Variants in DTX4 observed in about 807,000 individuals in gnomAD.
DTX4 encodes the protein deltex E3 ubiquitin ligase 4, also known as E3 ubiquitin-protein ligase DTX4.
DTX4 carries 28 observed loss-of-function variants against 57.6 expected under a neutral mutation model. That is an observed-to-expected ratio of 0.49 (90% CI 0.36 to 0.67). DTX4 has a LOEUF of 0.67. Among genes scored for constraint, DTX4 ranks in the 30% least tolerant of loss-of-function variants. The probability of loss-of-function intolerance (pLI) is 0.00; values close to 1 mark genes in which losing one functional copy is unlikely to be tolerated. For synonymous variants in DTX4, 316 were observed against 331.0 expected (o/e 0.95, Z 0.49); for missense variants, 715 against 836.8 (o/e 0.85, Z 1.80).
intron 7 of DTX4, among the ~76,000 whole-genome samples, chr11:59,196,190 A>C (rs1197375452): frequency 6.6e-6 from 1 of 152,190 alleles, no homozygotes; most frequent in Non-Finnish European, 1.5e-5. Flanking sequence ...TGGAGTGTGG[A>C]TTATGGTCCA....
chr11:59,191,297 C>A, intron 5 of DTX4, 122 bp downstream of exon 5: 1 of 945,580 alleles, frequency 1.1e-6, no homozygotes, highest in South Asian at 1.7e-5. Context: ...GGATACAGAA[C>A]TGGTCAGAAC....
At chr11:59,182,889 G>T (rs1292463407) in intron 2 of DTX4, among the ~76,000 whole-genome samples, 1 of 151,964 alleles carries the variant, frequency 6.6e-6, no homozygotes. Flanking sequence ...CAAGGCTGCA[G>T]TGAGCTATTA....
At chr11:59,179,085 G>A (rs1389096905) in intron 1 of DTX4, among the ~76,000 whole-genome samples, 1 of 152,054 alleles carries the variant, frequency 6.6e-6, no homozygotes, top group African/African-American at 2.4e-5. Context: ...AAATCTGTGA[G>A]GGGGTTAATT....
chr11:59,204,376 G>T (rs906335757), intron 8 of DTX4, among the ~76,000 whole-genome samples: 2 of 152,180 alleles, frequency 1.3e-5, no homozygotes, highest in Non-Finnish European at 2.9e-5. Context: ...TTCATGGAGT[G>T]TCCAGTAAGA....
chr11:59,171,530 C>G (rs568300471), upstream of DTX4: 1 of 152,342 alleles, frequency 6.6e-6, no homozygotes, highest in African/African-American at 2.4e-5. Context: ...TGCTGCATCC[C>G]TTTGGACTGG....
In DTX4 at chr11:59,205,238, G is replaced by C. The variant is rs576788116; in HGVS notation, c.*329G>C. The C allele has an allele frequency of 3.3e-6, 1 of 299,438 alleles. No individual in the cohort carries two copies. The highest frequency in any genetic ancestry group is 6.6e-6 in the Non-Finnish European group (1 of 152,200). 18.5% of individuals were successfully genotyped at this position (299,438 alleles called of 1,614,324 possible). A position where few individuals can be genotyped will look rare whatever the true frequency, so the allele number is the denominator to read the frequency against. On this transcript the variant is annotated 3_prime_UTR_variant, in exon 9 of 9. Transcript: ENST00000227451. ...GCATGGTCAGCACACCTAGGGTATG[G>C]GCAGTGCTTAGGCACTCCATATCCT...
At chr11:59,181,002 G>A (rs938054085) in intron 1 of DTX4, among the ~76,000 whole-genome samples, 14 of 152,230 alleles carry the variant, frequency 9.2e-5, no homozygotes, top group Admixed American at 5.9e-4. Flanking sequence ...CTCCCAACCT[G>A]ATTTCCCTTC....
At chr11:59,172,868 C>A in intron 1 of DTX4, 62 bp downstream of exon 1, 1 of 1,372,342 alleles carries the variant, frequency 7.3e-7, no homozygotes, top group Non-Finnish European at 9.8e-7. Context: ...GCCAAGGTAC[C>A]TCCCTCCCTG....
chr11:59,174,303 A>G (rs1862368006), intron 1 of DTX4, among the ~76,000 whole-genome samples: 1 of 151,876 alleles, frequency 6.6e-6, no homozygotes, highest in Non-Finnish European at 1.5e-5. Flanking sequence ...AGATTGAGAA[A>G]GAGGATTAAG....
At chr11:59,186,593 T>G (rs1378266321) in intron 2 of DTX4, among the ~76,000 whole-genome samples, 1 of 152,176 alleles carries the variant, frequency 6.6e-6, no homozygotes, top group Admixed American at 6.5e-5. Context: ...TCTCAGATAT[T>G]GGTGGGAAGT....
intron 3 of DTX4, 57 bp downstream of exon 3, chr11:59,188,853 A>G: frequency 6.8e-7 from 1 of 1,465,038 alleles, no homozygotes; most frequent in Non-Finnish European, 9.5e-7. Context: ...GTGATGAAAT[A>G]GGTCATGAGC....
At chr11:59,194,854 C>T in intron 6 of DTX4, 1 of 278,738 alleles carries the variant, frequency 3.6e-6, no homozygotes, top group Non-Finnish European at 6.8e-6. Flanking sequence ...TGGGCAGTTG[C>T]TGCTCTCCAG....
intron 6 of DTX4, among the ~76,000 whole-genome samples, chr11:59,193,295 T>TA (rs760555023): frequency 2.1e-4 from 32 of 152,326 alleles, no homozygotes; most frequent in South Asian, 4.1e-4. Flanking sequence ...TATGGGGTCT[T>TA]ATGCTATTAT....
intron 2 of DTX4, among the ~76,000 whole-genome samples, chr11:59,182,744 T>C (rs747015847): frequency 2.6e-5 from 4 of 152,204 alleles, no homozygotes; most frequent in Non-Finnish European, 4.4e-5. Flanking sequence ...TTCTCATCTG[T>C]AAATGCTGGC....
intron 8 of DTX4, 127 bp downstream of exon 8, chr11:59,199,900 C>A: frequency 2.6e-6 from 2 of 757,714 alleles, no homozygotes; most frequent in Non-Finnish European, 4.3e-6. Flanking sequence ...TCTTTTAAGT[C>A]TAGATGCACA....
At chr11:59,176,865 GT>G (rs1284196096) in intron 1 of DTX4, among the ~76,000 whole-genome samples, 2 of 152,162 alleles carry the variant, frequency 1.3e-5, no homozygotes, top group African/African-American at 4.8e-5. Context: ...AGATTATCTG[GT>G]TTATAATACT....
rs373629396 is a variant in DTX4, at chr11:59,184,338, C to T, written c.935+1876C>T. The stretch of plus-strand genomic sequence containing the variant: ...TGTCAGTTGGGGCAAGATTTGCATC[C>T]TCTGTCTTCAGTTTCCTCATCTGTA... On this transcript the variant is annotated intron_variant, in intron 2 of 8. Transcript: ENST00000227451. 5.3e-5 allele frequency among the ~76,000 whole-genome samples: 8 copies of T among 152,334 alleles called. No homozygotes were observed. The East Asian group carries it at 1.5e-3, about 29-fold the overall frequency.
chr11:59,175,689 CT>C (rs1402430022), intron 1 of DTX4, among the ~76,000 whole-genome samples: 1 of 152,144 alleles, frequency 6.6e-6, no homozygotes, highest in Admixed American at 6.5e-5. Flanking sequence ...TGTCCTTTTT[CT>C]GTTGTAGGGC....
At chr11:59,181,034 T>G (rs1862456249) in intron 1 of DTX4, among the ~76,000 whole-genome samples, 1 of 152,180 alleles carries the variant, frequency 6.6e-6, no homozygotes, top group Non-Finnish European at 1.5e-5. Context: ...ACACACCATT[T>G]TTTTTTTGGA....
Sources: allele counts gnomAD v4.1 joint callset (sites outside exome capture counted in the v4.1 genomes callset), GRCh38; gene constraint gnomAD v4.1.1; transcripts MANE v1.5; gene names NCBI Gene and HGNC (gene_info 2026-07-23, HGNC 2026-07-21).